Variants in DMD observed in about 807,000 individuals in gnomAD.
The protein encoded by DMD is dystrophin.
In DMD, 63 loss-of-function variants were observed where a neutral mutation model predicts 330.1. The observed-to-expected ratio is 0.19, with a 90% confidence interval of 0.16 to 0.24. The LOEUF is 0.24. Among genes scored for constraint, DMD ranks in the 10% least tolerant of loss-of-function variants. The pLI, the probability that DMD is intolerant of heterozygous loss-of-function variation, is 1.00. For synonymous variants in DMD, 1,223 were observed against 959.8 expected, an observed-to-expected ratio of 1.27 and a Z score of -5.07; for missense variants, 3,344 against 2,684.1, an observed-to-expected ratio of 1.25 and a Z score of -5.43.
At position 31,837,787 on chromosome X, in the gene DMD, G is replaced by A. The variant is rs1276971106; in HGVS notation, c.7099-968C>T. 2.7e-5 allele frequency among the ~76,000 whole-genome samples: 3 copies of A among 111,757 alleles called. No individual in the cohort carries two copies. In the Admixed American group the frequency reaches 2.9e-4, roughly 11 times the overall value. ...CTGTTCCCTCTCAGTTCATTAGTAG[G>A]AAATCCCAAATTACTATAATCTCAT... On this transcript the variant is annotated intron_variant, in intron 48 of 78. Coordinates refer to ENST00000357033, the MANE Select transcript of DMD (RefSeq NM_004006.3).
chrX:31,382,004 A>G (rs1401161133), intron 60 of DMD, among the ~76,000 whole-genome samples: 1 of 111,512 alleles, frequency 9.0e-6, no homozygotes, highest in Non-Finnish European at 1.9e-5. Context: ...CTTTCACTGG[A>G]TAGGTAGAGG....
chrX:32,317,468 T>C (rs1314103990), intron 41 of DMD, among the ~76,000 whole-genome samples: 4 of 111,593 alleles, frequency 3.6e-5, no homozygotes, highest in Non-Finnish European at 7.6e-5. Flanking sequence ...CATCTGAAAC[T>C]TAAGTTATCA....
chrX:32,813,689 G>A (rs1455263064), intron 6 of DMD, among the ~76,000 whole-genome samples: 1 of 111,589 alleles, frequency 9.0e-6, no homozygotes, highest in African/African-American at 3.3e-5. Context: ...TGATATAAAT[G>A]TTACAAATAC....
intron 30 of DMD, among the ~76,000 whole-genome samples, chrX:32,407,901 C>G (rs1397661648): frequency 2.0e-5 from 2 of 97,981 alleles, no homozygotes; most frequent in African/African-American, 3.9e-5. Context: ...CATGTTCTCA[C>G]TCATAGGTGG....
intron 2 of DMD, among the ~76,000 whole-genome samples, chrX:32,938,994 G>A (rs1250970031): frequency 9.1e-6 from 1 of 110,356 alleles, no homozygotes; most frequent in Non-Finnish European, 1.9e-5. Flanking sequence ...AAGTCATCAT[G>A]TGCCTAGCAC....
At chrX:32,196,982 A>G (rs192154468) in intron 44 of DMD, among the ~76,000 whole-genome samples, 16,987 of 61,620 alleles carry the variant, frequency 0.28, 1,881 homozygotes, top group East Asian at 0.57. Context: ...GCGAGACTCC[A>G]TCTCAAAAAA....
intron 11 of DMD, among the ~76,000 whole-genome samples, chrX:32,619,220 C>A (rs1403097274): frequency 9.0e-6 from 1 of 111,412 alleles, no homozygotes; most frequent in East Asian, 2.8e-4. Context: ...AGAAAGAAAA[C>A]CACTGCCTAA....
chrX:32,464,568 A>G lies in DMD; in HGVS notation c.3276+18T>C. On this transcript the variant is annotated intron_variant, in intron 24 of 78. Transcript: ENST00000357033. ...ATACAAAATTATTCATATTAAAGGC[A>G]TCATATAAAAATCTTACTCTGCACT... The G allele has an allele frequency of 9.3e-7, 1 of 1,074,001 alleles. No individual in the cohort carries two copies. Among genetic ancestry groups the G allele is most frequent in the Non-Finnish European group, 1.3e-6 (1 of 769,944 alleles). The allele number at this position is 1,074,001 out of a possible 1,213,427, so 88.5% of individuals were successfully genotyped here.
At chrX:32,703,789 G>A (rs1252510210) in intron 7 of DMD, among the ~76,000 whole-genome samples, 1 of 111,351 alleles carries the variant, frequency 9.0e-6, no homozygotes, top group East Asian at 2.8e-4. Flanking sequence ...ATGATAATGA[G>A]TACTATAAAG....
intron 42 of DMD, among the ~76,000 whole-genome samples, chrX:32,291,929 C>A (rs2097471969): frequency 9.0e-6 from 1 of 111,729 alleles, no homozygotes; most frequent in Admixed American, 9.5e-5. Context: ...GGCAAGCGTA[C>A]CTTGGAGTTT....
intron 61 of DMD, among the ~76,000 whole-genome samples, chrX:31,339,829 C>A (rs2057627205): frequency 8.9e-6 from 1 of 112,466 alleles, no homozygotes; most frequent in South Asian, 3.7e-4. Flanking sequence ...CCCGCCTCGG[C>A]CTCCCAAAGT....
intron 1 of DMD, among the ~76,000 whole-genome samples, chrX:33,169,829 C>T (rs1281789034): frequency 6.4e-5 from 7 of 109,096 alleles, no homozygotes; most frequent in South Asian, 3.9e-4. Flanking sequence ...TTTTTTTAAT[C>T]GCTAGCCCCC....
At chrX:33,210,138 T>G (rs1256333262) in intron 1 of DMD, among the ~76,000 whole-genome samples, 2 of 111,082 alleles carry the variant, frequency 1.8e-5, no homozygotes, top group Non-Finnish European at 3.8e-5. Flanking sequence ...AAGTAAATAT[T>G]GTATTATAAA....
intron 42 of DMD, among the ~76,000 whole-genome samples, chrX:32,303,418 G>T (rs1255852708): frequency 9.0e-6 from 1 of 110,913 alleles, no homozygotes; most frequent in Non-Finnish European, 1.9e-5. Flanking sequence ...TTTTCTTCCT[G>T]GTGGCTGTGT....
At chrX:31,742,678 C>T (rs752682184) in intron 51 of DMD, among the ~76,000 whole-genome samples, 67 of 111,893 alleles carry the variant, frequency 6.0e-4, no homozygotes, top group African/African-American at 2.1e-3. Context: ...CTCCTTACAC[C>T]ATATACAAAA....
Position 31,410,921 on chromosome X carries a change from G to GTT in DMD, c.9084+33558_9084+33559dup, listed in dbSNP as rs758238229. ...ACCTGGCTAATTTTTCTGTGTGTGT[G>GTT]TTTTTTTTTTTTTTTTTTTTTTTCA... On this transcript the variant is annotated intron_variant, in intron 60 of 78. Coordinates refer to ENST00000357033, the MANE Select transcript of DMD (RefSeq NM_004006.3). Among the ~76,000 whole-genome samples, 207 of 59,651 alleles carry GTT rather than the reference G, an allele frequency of 3.5e-3. 2 individuals are homozygous for GTT. The highest frequency in any genetic ancestry group is 4.0e-3 in the Non-Finnish European group (137 of 33,941). The allele number at this position is 59,651 out of a possible 115,157, so 51.8% of individuals were successfully genotyped here.
At chrX:32,694,651 ATTTT>A (rs11309795) in intron 9 of DMD, among the ~76,000 whole-genome samples, 3 of 110,573 alleles carry the variant, frequency 2.7e-5, no homozygotes, top group African/African-American at 6.7e-5. Flanking sequence ...CATACCATTT[ATTTT>A]TTTTATTTAT....
intron 1 of DMD, among the ~76,000 whole-genome samples, chrX:33,239,265 C>T (rs1318821125): frequency 1.4e-4 from 8 of 55,687 alleles, no homozygotes; most frequent in African/African-American, 5.8e-4. Context: ...CAGAGCAAGA[C>T]TCTGTCTCCA....
intron 60 of DMD, among the ~76,000 whole-genome samples, chrX:31,353,018 T>C (rs1173940524): frequency 8.9e-6 from 1 of 111,842 alleles, no homozygotes; most frequent in African/African-American, 3.2e-5. Flanking sequence ...CTGTGTCTTA[T>C]GTTCTGGCAC....
Sources: gnomAD v4.1 joint callset for allele counts (sites outside exome capture counted in the v4.1 genomes callset) on GRCh38, gnomAD v4.1.1 for gene constraint, MANE v1.5 for transcripts, NCBI Gene and HGNC (gene_info 2026-07-23, HGNC 2026-07-21) for gene names.